Variants in CPXM2 observed in about 807,000 individuals in gnomAD.
CPXM2 encodes carboxypeptidase X, M14 family member 2, also known as inactive carboxypeptidase-like protein X2.
Under a neutral mutation model 86.1 loss-of-function variants are expected in CPXM2, and 66 were observed. The observed-to-expected ratio is 0.77, with a 90% CI of 0.63 to 0.94. The LOEUF is 0.94. CPXM2 is among the 40% of genes least tolerant of loss of function. The pLI is 0.00. For missense variants in CPXM2, 948 were observed against 1,026.3 expected (o/e 0.92, Z 1.04); for synonymous variants, 388 against 400.2 (o/e 0.97, Z 0.36).
chr10:123,880,789 A>G (rs1945072491), intron 1 of CPXM2, among the ~76,000 whole-genome samples: 1 of 135,514 alleles, frequency 7.4e-6, no homozygotes, highest in South Asian at 2.4e-4. Context: ...AGATTGCGCC[A>G]CTGCACTCCA....
rs1445472421 is a variant in CPXM2 at position 123,786,337 on chromosome 10, T to C, written c.890-6082A>G. On this transcript the variant is annotated intron_variant, in intron 6 of 13. Transcript: ENST00000241305. Reference sequence around the variant, plus strand: ...AGACGGACGGGTGGCAAAGGCTGCGTTCCTCTTCATCCTCTGTTTTGGGAA... The same window carrying C: ...AGACGGACGGGTGGCAAAGGCTGCGCTCCTCTTCATCCTCTGTTTTGGGAA... Among the ~76,000 whole-genome samples, 6 of 151,976 alleles carry C rather than the reference T, an allele frequency of 3.9e-5. No individual in the cohort carries two copies. In the East Asian group the frequency reaches 5.8e-4, roughly 15 times the overall value.
intron 2 of CPXM2, among the ~76,000 whole-genome samples, chr10:123,938,021 G>A (rs1021660214): frequency 2.6e-5 from 4 of 151,978 alleles, no homozygotes; most frequent in African/African-American, 9.7e-5. Context: ...CATAAATACA[G>A]GTACACCACC....
chr10:123,787,010 T>A (rs1404444870), intron 6 of CPXM2, among the ~76,000 whole-genome samples: 3 of 152,166 alleles, frequency 2.0e-5, no homozygotes, highest in African/African-American at 7.2e-5. Flanking sequence ...CTTCTGTGAC[T>A]TGTGTTTCTC....
chr10:123,918,284 T>C (rs985561659), intron 2 of CPXM2, among the ~76,000 whole-genome samples: 1 of 152,214 alleles, frequency 6.6e-6, no homozygotes, highest in African/African-American at 2.4e-5. Flanking sequence ...TTGTGCTTGC[T>C]GAAATATTAT....
intron 8 of CPXM2, among the ~76,000 whole-genome samples, chr10:123,769,790 G>A (rs184941362): frequency 2.0e-4 from 30 of 152,266 alleles, no homozygotes; most frequent in African/African-American, 5.8e-4. Context: ...TTCCCGAACT[G>A]TGAGCAATAA....
At chr10:123,940,182 G>A (rs1450631343) in exon 1 of CPXM2, 1 of 152,320 alleles carries the variant, frequency 6.6e-6, no homozygotes, top group Non-Finnish European at 1.5e-5. Context: ...TCAGGGCAGG[G>A]AGGAGGCAAG....
chr10:123,754,518 A>C lies in CPXM2; in HGVS notation c.2017+145T>G, dbSNP rs1266916806. 8.1e-6 allele frequency: 5 copies of C among 616,310 alleles called. No homozygotes were observed. The highest frequency in any genetic ancestry group is 1.5e-5 in the Non-Finnish European group (5 of 337,602). 38.2% of individuals were successfully genotyped at this position (616,310 alleles called of 1,614,324 possible). ...ACCTCCCTTCCAAGGGTCTCTTGAA[A>C]AGTGGGAAATTTAGAGGAAGGAGAC... On this transcript the variant is annotated intron_variant, in intron 13 of 13. Coordinates refer to ENST00000241305, the MANE Select transcript of CPXM2 (RefSeq NM_198148.3). This position sits in a 1 kb window ranked among gnomAD's most constrained non-coding sequence, Gnocchi z 4.0.
intron 3 of CPXM2, among the ~76,000 whole-genome samples, chr10:123,853,908 A>G (rs190279305): frequency 2.8e-4 from 43 of 152,224 alleles, no homozygotes; most frequent in Admixed American, 2.4e-3. Context: ...CAGTCTCAAA[A>G]AAAGAAAGAA....
At chr10:123,758,165 CG>C (rs1431866281) in intron 11 of CPXM2, among the ~76,000 whole-genome samples, 1 of 152,124 alleles carries the variant, frequency 6.6e-6, no homozygotes, top group Non-Finnish European at 1.5e-5. Flanking sequence ...AATGTGTAGT[CG>C]GTGTCTGGAC....
intron 2 of CPXM2, among the ~76,000 whole-genome samples, chr10:123,901,634 T>C (rs1945382243): frequency 6.6e-6 from 1 of 152,180 alleles, no homozygotes; most frequent in African/African-American, 2.4e-5. Flanking sequence ...TCTTTCAAGA[T>C]GGATCACCAC....
intron 4 of CPXM2, among the ~76,000 whole-genome samples, chr10:123,823,308 C>A (rs1847968599): frequency 1.3e-5 from 2 of 152,138 alleles, no homozygotes; most frequent in African/African-American, 4.8e-5. Context: ...AGTTCAGAGG[C>A]CAGCAGACAC....
chr10:123,853,080 G>C (rs373373618), intron 3 of CPXM2, among the ~76,000 whole-genome samples: 66 of 152,218 alleles, frequency 4.3e-4, no homozygotes, highest in African/African-American at 1.5e-3. Context: ...TTAGAACTGT[G>C]TTTGATAATG....
rs558888606 is a variant in CPXM2, at chr10:123,789,541, C to T, written c.889+8435G>A. Among the ~76,000 whole-genome samples, 15 of 152,264 alleles carry T rather than the reference C, an allele frequency of 9.9e-5. No homozygotes were observed. The South Asian group carries it at 2.1e-3, about 21-fold the overall frequency. On this transcript the variant is annotated intron_variant, in intron 6 of 13. Transcript: ENST00000241305. Reference sequence around the variant, plus strand: ...TCATCAACATTGGGCAGCTGGACCACGAAGAGAAATCTCACATTTATTTAA... The same window carrying T: ...TCATCAACATTGGGCAGCTGGACCATGAAGAGAAATCTCACATTTATTTAA...
At chr10:123,787,885 G>A (rs113405757) in intron 6 of CPXM2, among the ~76,000 whole-genome samples, 121 of 152,160 alleles carry the variant, frequency 8.0e-4, no homozygotes, top group African/African-American at 2.9e-3. Flanking sequence ...TGATTACTCC[G>A]GGTTTGTAGC....
intron 6 of CPXM2, among the ~76,000 whole-genome samples, chr10:123,795,671 C>A (rs1375068577): frequency 6.6e-6 from 1 of 152,036 alleles, no homozygotes; most frequent in African/African-American, 2.4e-5. Context: ...AACAGCCGCT[C>A]CCCTCTGAGC....
intron 6 of CPXM2, among the ~76,000 whole-genome samples, chr10:123,788,279 CAAAA>C (rs55818352): frequency 9.7e-5 from 12 of 124,238 alleles, no homozygotes; most frequent in Admixed American, 2.5e-4. Flanking sequence ...GACCCCATCT[CAAAA>C]AAAAAAAAAA....
At chr10:123,931,788 G>A (rs1251422554) in intron 2 of CPXM2, among the ~76,000 whole-genome samples, 1 of 152,106 alleles carries the variant, frequency 6.6e-6, no homozygotes, top group Non-Finnish European at 1.5e-5. Flanking sequence ...CAATAAAATG[G>A]GAGAGTAAAC....
At chr10:123,855,159 T>C (rs1399891741) in intron 3 of CPXM2, among the ~76,000 whole-genome samples, 1 of 152,062 alleles carries the variant, frequency 6.6e-6, no homozygotes, top group Non-Finnish European at 1.5e-5. Context: ...AAAATTCCAG[T>C]GTTTTGGCAT....
chr10:123,880,145 T>TGGGGGGG, intron 2 of CPXM2, 66 bp downstream of exon 2: 4 of 407,580 alleles, frequency 9.8e-6, no homozygotes, highest in Non-Finnish European at 1.4e-5. Flanking sequence ...CAGGGGCCTG[T>TGGGGGGG]ACCCACCCAC....
Sources: allele counts gnomAD v4.1 joint callset (sites outside exome capture counted in the v4.1 genomes callset), GRCh38; gene constraint gnomAD v4.1.1; non-coding constraint Gnocchi (gnomAD v3.1); transcripts MANE v1.5; gene names NCBI Gene and HGNC (gene_info 2026-07-23, HGNC 2026-07-21).